WWOX: variants seen among roughly 807,000 people sequenced by gnomAD.
WWOX encodes WW domain containing oxidoreductase, also known as WW domain-containing oxidoreductase.
In WWOX, 69 loss-of-function variants were observed where a neutral mutation model predicts 46.2. The observed-to-expected ratio is 1.49, with a 90% confidence interval of 1.23 to 1.82. The LOEUF is 1.82. Among genes scored for constraint, WWOX ranks in the 40% most tolerant of loss-of-function variants. The pLI is 0.00. For missense variants in WWOX, 919 were observed against 542.6 expected (o/e 1.69, Z -6.89); for synonymous variants, 359 against 202.6 (o/e 1.77, Z -6.56).
At chr16:78,616,682 C>T (rs1037830071) in intron 8 of WWOX, among the ~76,000 whole-genome samples, 1 of 151,894 alleles carries the variant, frequency 6.6e-6, no homozygotes, top group Non-Finnish European at 1.5e-5. Context: ...GGCAGAATTG[C>T]TTGAACCTGG....
chr16:79,186,437 G>T (rs527337949), intron 8 of WWOX, among the ~76,000 whole-genome samples: 1 of 152,100 alleles, frequency 6.6e-6, no homozygotes, highest in South Asian at 2.1e-4. Context: ...TGACCTCTGC[G>T]TCTGTCCTCC....
chr16:78,318,221 A>G (rs1292604601), intron 5 of WWOX, among the ~76,000 whole-genome samples: 2 of 151,664 alleles, frequency 1.3e-5, no homozygotes, highest in Non-Finnish European at 2.9e-5. Flanking sequence ...ATGGCTGTGG[A>G]AACCCAGAAG....
rs367718006 is a variant in WWOX, at chr16:78,514,908, A to G, written c.1056+82156A>G. 5.9e-5 allele frequency among the ~76,000 whole-genome samples: 9 copies of G among 152,312 alleles called. No individual in the cohort carries two copies. In the East Asian group the frequency reaches 1.4e-3, roughly 23 times the overall value. On this transcript the variant is annotated intron_variant, in intron 8 of 8. Coordinates refer to ENST00000566780, the MANE Select transcript of WWOX (RefSeq NM_016373.4). ...GTGAAGTTTCATATATCAGGTAGCA[A>G]GATGGCCATGGTCTGTGTTTTGAGA...
chr16:79,115,089 C>G (rs2049488856), intron 8 of WWOX, among the ~76,000 whole-genome samples: 1 of 152,202 alleles, frequency 6.6e-6, no homozygotes, highest in African/African-American at 2.4e-5. Context: ...GACCAGGTCC[C>G]TCAATGCTGC....
chr16:78,120,150 C>G (rs941059035), intron 4 of WWOX, among the ~76,000 whole-genome samples: 1 of 152,068 alleles, frequency 6.6e-6, no homozygotes, highest in Non-Finnish European at 1.5e-5. Flanking sequence ...ACCTCTCTAA[C>G]GTGTATTACA....
chr16:78,914,358 A>G (rs376178838), intron 8 of WWOX, among the ~76,000 whole-genome samples: 1 of 152,070 alleles, frequency 6.6e-6, no homozygotes, highest in African/African-American at 2.4e-5. Flanking sequence ...AGTACCTGGC[A>G]TATAGGATGA....
intron 8 of WWOX, among the ~76,000 whole-genome samples, chr16:78,678,348 C>T (rs899971629): frequency 3.9e-5 from 6 of 152,176 alleles, no homozygotes; most frequent in Non-Finnish European, 7.3e-5. Flanking sequence ...TGCACTTCAG[C>T]CTGGGCAACA....
At position 79,003,733 on chromosome 16, in the gene WWOX, A is replaced by G. The variant is rs145906356; in HGVS notation, c.1057-207875A>G. Among the ~76,000 whole-genome samples the G allele has an allele frequency of 2.8e-3, 421 of 152,294 alleles. 4 individuals are homozygous for G. Among genetic ancestry groups the G allele is most frequent in the African/African-American group, 9.5e-3 (396 of 41,564 alleles). On this transcript the variant is annotated intron_variant, in intron 8 of 8. Transcript: ENST00000566780. ...CAGGGTGATTGGATTCTTGTAGGGC[A>G]GCTGTTTCAGCTACACAGCAGAAGT... is the stretch of plus-strand genomic sequence containing the variant.
At chr16:78,153,365 G>A (rs1259428522) in intron 4 of WWOX, among the ~76,000 whole-genome samples, 1 of 152,094 alleles carries the variant, frequency 6.6e-6, no homozygotes, top group Admixed American at 6.6e-5. Context: ...GGAAAGTATG[G>A]TCTTCCTACT....
intron 8 of WWOX, among the ~76,000 whole-genome samples, chr16:78,568,156 T>C (rs2044620376): frequency 6.6e-6 from 1 of 152,166 alleles, no homozygotes; most frequent in African/African-American, 2.4e-5. Context: ...GGTTCTAAAA[T>C]ATGCCACTTT....
intron 8 of WWOX, among the ~76,000 whole-genome samples, chr16:79,073,600 C>A (rs2048593207): frequency 6.6e-6 from 1 of 152,202 alleles, no homozygotes; most frequent in African/African-American, 2.4e-5. Context: ...TGCTGAGTGT[C>A]TTCAAATGTC....
intron 8 of WWOX, among the ~76,000 whole-genome samples, chr16:78,851,612 G>A (rs1025185804): frequency 9.8e-5 from 15 of 152,288 alleles, no homozygotes; most frequent in African/African-American, 3.6e-4. Context: ...TCACCACTTT[G>A]TCCAACCTAG....
intron 8 of WWOX, among the ~76,000 whole-genome samples, chr16:78,625,322 C>G (rs938001456): frequency 2.6e-5 from 4 of 152,196 alleles, no homozygotes; most frequent in Non-Finnish European, 5.9e-5. Context: ...TCCCTGGAGC[C>G]TCCCCATCCA....
rs140032730 is a variant in WWOX at position 78,378,337 on chromosome 16, T to A, written c.517-8523T>A. ...GAGGGCATACTTTTCATCTTTAGGC[T>A]TGGCAAAGATGGGTCAAACTCCCCA... On this transcript the variant is annotated intron_variant, in intron 5 of 8. Coordinates refer to ENST00000566780, the MANE Select transcript of WWOX (RefSeq NM_016373.4). Among the ~76,000 whole-genome samples the A allele has an allele frequency of 2.6e-5, 4 of 152,292 alleles. No individual in the cohort carries two copies. The East Asian group carries it at 7.7e-4, about 29-fold the overall frequency.
At chr16:78,177,228 A>G (rs1313947908) in intron 5 of WWOX, among the ~76,000 whole-genome samples, 1 of 152,220 alleles carries the variant, frequency 6.6e-6, no homozygotes, top group African/African-American at 2.4e-5. Context: ...TTTACCAAGT[A>G]GCTCCCAAAT....
At chr16:78,122,624 A>G (rs1272370550) in intron 4 of WWOX, among the ~76,000 whole-genome samples, 1 of 144,426 alleles carries the variant, frequency 6.9e-6, no homozygotes, top group Admixed American at 6.9e-5. Flanking sequence ...TTTTTTTTTG[A>G]GACGGTGCCT....
chr16:78,363,835 A>T (rs1037264230), intron 5 of WWOX, among the ~76,000 whole-genome samples: 1 of 152,134 alleles, frequency 6.6e-6, no homozygotes, highest in Non-Finnish European at 1.5e-5. Flanking sequence ...GAGAGCAGGA[A>T]CTTGCCCGAG....
chr16:78,554,256 A>G (rs1246977150), intron 8 of WWOX, among the ~76,000 whole-genome samples: 1 of 152,190 alleles, frequency 6.6e-6, no homozygotes, highest in Non-Finnish European at 1.5e-5. Context: ...AAGAACTGTC[A>G]AGATTTTCAC....
chr16:79,128,864 G>C (rs1158156608), intron 8 of WWOX, among the ~76,000 whole-genome samples: 1 of 152,144 alleles, frequency 6.6e-6, no homozygotes, highest in African/African-American at 2.4e-5. Context: ...TTGTGATTCA[G>C]TTGCCCAAGC....
Sources: gnomAD v4.1 joint callset for allele counts (sites outside exome capture counted in the v4.1 genomes callset) on GRCh38, gnomAD v4.1.1 for gene constraint, MANE v1.5 for transcripts, NCBI Gene and HGNC (gene_info 2026-07-23, HGNC 2026-07-21) for gene names.